The following NKAIN2 variants were observed in gnomAD, a reference collection of about 807,000 sequenced individuals.
NKAIN2 encodes the protein sodium/potassium-transporting ATPase subunit beta-1-interacting protein 2.
NKAIN2 carries 14 observed loss-of-function variants against 32.6 expected under a neutral mutation model. The ratio of observed to expected loss-of-function variants is 0.43; its 90% CI spans 0.28 to 0.67. NKAIN2 has a LOEUF of 0.67. NKAIN2 is among the 30% of genes least tolerant of loss of function. The pLI is 0.17. For synonymous variants in NKAIN2, 80 were observed against 87.2 expected (o/e 0.92, Z 0.46); for missense variants, 198 against 258.3 (o/e 0.77, Z 1.60).
At chr6:124,187,543 T>C (rs1789807180) in intron 1 of NKAIN2, among the ~76,000 whole-genome samples, 1 of 152,168 alleles carries the variant, frequency 6.6e-6, no homozygotes, top group African/African-American at 2.4e-5. Flanking sequence ...TTTAGGCGTA[T>C]TGAAGCAGAA....
chr6:124,552,396 G>A (rs937578795), intron 3 of NKAIN2, among the ~76,000 whole-genome samples: 20 of 152,304 alleles, frequency 1.3e-4, no homozygotes, highest in African/African-American at 4.8e-4. Flanking sequence ...CATCCAAAGT[G>A]AGTGAAGTTG....
intron 2 of NKAIN2, among the ~76,000 whole-genome samples, chr6:124,309,053 A>G (rs1013726104): frequency 6.6e-6 from 1 of 152,124 alleles, no homozygotes; most frequent in African/African-American, 2.4e-5. Context: ...TACCTTTGAA[A>G]TTTGACTCTT....
At chr6:124,195,036 A>T (rs891740281) in intron 1 of NKAIN2, among the ~76,000 whole-genome samples, 5 of 151,342 alleles carry the variant, frequency 3.3e-5, no homozygotes, top group African/African-American at 1.2e-4. Flanking sequence ...AGAATATAAA[A>T]TGCAATTTTT....
At chr6:124,480,139 T>C (rs1441145771) in intron 3 of NKAIN2, among the ~76,000 whole-genome samples, 1 of 152,238 alleles carries the variant, frequency 6.6e-6, no homozygotes, top group African/African-American at 2.4e-5. Flanking sequence ...ACATTGCTCA[T>C]ACCTCATTAA....
intron 4 of NKAIN2, among the ~76,000 whole-genome samples, chr6:124,732,022 T>C (rs1455193046): frequency 6.6e-6 from 1 of 152,066 alleles, no homozygotes; most frequent in Non-Finnish European, 1.5e-5. Flanking sequence ...CTACTTTACT[T>C]AGCCTTCATG....
chr6:124,818,160 G>A (rs969963736), intron 5 of NKAIN2, among the ~76,000 whole-genome samples: 1 of 152,066 alleles, frequency 6.6e-6, no homozygotes, highest in Admixed American at 6.6e-5. Context: ...ATAAATTCTT[G>A]TAAGGCAATA....
At chr6:123,965,050 T>G (rs1229122774) in intron 1 of NKAIN2, among the ~76,000 whole-genome samples, 1 of 152,170 alleles carries the variant, frequency 6.6e-6, no homozygotes, top group Non-Finnish European at 1.5e-5. Flanking sequence ...ACCCAGAATG[T>G]CTGTGTCTTT....
chr6:123,824,730 T>TG (rs1554210667), intron 1 of NKAIN2, among the ~76,000 whole-genome samples: 3 of 141,734 alleles, frequency 2.1e-5, no homozygotes, highest in Non-Finnish European at 4.7e-5. Context: ...AACTTAAAAT[T>TG]AAAAAAAAAA....
At chr6:124,625,793 A>AAAT in intron 3 of NKAIN2, among the ~76,000 whole-genome samples, 1 of 152,160 alleles carries the variant, frequency 6.6e-6, no homozygotes, top group African/African-American at 2.4e-5. Flanking sequence ...CAGTATGGTT[A>AAAT]AATAACTGGG....
chr6:123,953,680 T>G (rs894732946), intron 1 of NKAIN2, among the ~76,000 whole-genome samples: 2 of 152,120 alleles, frequency 1.3e-5, no homozygotes, highest in African/African-American at 4.8e-5. Flanking sequence ...AGAACCCCAG[T>G]CAGCATGTTT....
intron 3 of NKAIN2, among the ~76,000 whole-genome samples, chr6:124,415,878 C>CTTTTTTTTTTTTTTTTTTTTTTTTTT: frequency 2.8e-5 from 2 of 72,590 alleles, no homozygotes; most frequent in Non-Finnish European, 5.2e-5. Context: ...TTTTTATTTG[C>CTTTTTTTTTTTTTTTTTTTTTTTTTT]TTTTTTTTTT....
intron 3 of NKAIN2, among the ~76,000 whole-genome samples, chr6:124,416,302 T>C (rs1774485245): frequency 6.6e-6 from 1 of 152,186 alleles, no homozygotes; most frequent in Non-Finnish European, 1.5e-5. Context: ...ACCTAAGTTA[T>C]ATGTGCATTT....
intron 4 of NKAIN2, among the ~76,000 whole-genome samples, chr6:124,704,115 G>C (rs1005781028): frequency 6.6e-6 from 1 of 151,800 alleles, no homozygotes; most frequent in African/African-American, 2.4e-5. Context: ...AATGACAAAA[G>C]AACTATTTAT....
intron 1 of NKAIN2, among the ~76,000 whole-genome samples, chr6:123,868,157 T>C (rs576163171): frequency 2.0e-4 from 31 of 152,222 alleles, no homozygotes; most frequent in South Asian, 8.3e-4. Context: ...CGTGAGCCAC[T>C]GTGCCCAGCC....
intron 1 of NKAIN2, among the ~76,000 whole-genome samples, chr6:124,228,388 C>A (rs144853141): frequency 6.6e-6 from 1 of 152,246 alleles, no homozygotes; most frequent in East Asian, 1.9e-4. Flanking sequence ...CAGGCTGGCA[C>A]CCTGACATCA....
At chr6:124,166,302 G>C (rs1354048083) in intron 1 of NKAIN2, among the ~76,000 whole-genome samples, 2 of 151,834 alleles carry the variant, frequency 1.3e-5, no homozygotes, top group Non-Finnish European at 2.9e-5. Flanking sequence ...TTTTTTGGCT[G>C]CATAAATGTC....
intron 1 of NKAIN2, among the ~76,000 whole-genome samples, chr6:124,003,099 C>T (rs571512866): frequency 1.3e-5 from 2 of 152,272 alleles, no homozygotes; most frequent in South Asian, 4.2e-4. Flanking sequence ...GCAACTATTC[C>T]TCTTTACAGA....
chr6:124,350,733 T>A (rs527610439), intron 2 of NKAIN2, among the ~76,000 whole-genome samples: 6 of 152,356 alleles, frequency 3.9e-5, no homozygotes, highest in Middle Eastern at 3.4e-3. Flanking sequence ...GAACATTTGC[T>A]ATATTCTTTA....
chr6:123,894,707 C>G (rs1774189131), intron 1 of NKAIN2, among the ~76,000 whole-genome samples: 1 of 151,808 alleles, frequency 6.6e-6, no homozygotes, highest in Non-Finnish European at 1.5e-5. Flanking sequence ...CATTTATATC[C>G]CAGGATTCTC....
Sources: allele counts gnomAD v4.1 joint callset (sites outside exome capture counted in the v4.1 genomes callset), GRCh38; gene constraint gnomAD v4.1.1; transcripts MANE v1.5; gene names NCBI Gene and HGNC (gene_info 2026-07-23, HGNC 2026-07-21).